The following KYNU variants were observed in gnomAD, a reference collection of about 807,000 sequenced individuals.
KYNU encodes kynureninase, also known as L-kynurenine hydrolase.
Under a neutral mutation model 59.2 loss-of-function variants are expected in KYNU, and 54 were observed. The observed-to-expected ratio is 0.91, with a 90% confidence interval of 0.73 to 1.14. The LOEUF is 1.14. KYNU is among the 50% of genes most tolerant of loss of function. The pLI is 0.00. For synonymous variants in KYNU, 177 were observed against 192.0 expected, an observed-to-expected ratio of 0.92 and a Z score of 0.65; for missense variants, 567 against 554.4, an observed-to-expected ratio of 1.02 and a Z score of -0.23.
At chr2:142,910,603 G>A (rs1273509996) in intron 2 of KYNU, among the ~76,000 whole-genome samples, 1 of 151,958 alleles carries the variant, frequency 6.6e-6, no homozygotes, top group African/African-American at 2.4e-5. Flanking sequence ...CAGTTTGGGG[G>A]GTTTTTGCAA....
At position 142,978,258 on chromosome 2, in the gene KYNU, A is replaced by G. The variant is rs352864; in HGVS notation, c.730-6826A>G. On this transcript the variant is annotated intron_variant, in intron 8 of 13. Transcript: ENST00000264170. ...CACACCCAGACACACATCTCCCTAT[A>G]CCGTTTTCTTTTTTTCGTTCATTTT... Among the ~76,000 whole-genome samples the G allele has an allele frequency of 4.7e-3, 715 of 151,538 alleles. 19 individuals are homozygous for G. The highest frequency in any genetic ancestry group is 0.035 in the East Asian group (179 of 5,170).
At chr2:142,892,492 G>C (rs781562423) in intron 2 of KYNU, among the ~76,000 whole-genome samples, 13 of 152,140 alleles carry the variant, frequency 8.5e-5, no homozygotes, top group Non-Finnish European at 1.6e-4. Flanking sequence ...GCTGGGTATT[G>C]GTAAATGGTA....
At chr2:142,953,830 A>C (rs543300639) in intron 4 of KYNU, among the ~76,000 whole-genome samples, 11 of 152,288 alleles carry the variant, frequency 7.2e-5, no homozygotes, top group African/African-American at 2.6e-4. Context: ...TTGAAATATA[A>C]ATTCTTAAAT....
chr2:143,043,707 G>T lies in KYNU; in HGVS notation c.*1535G>T, dbSNP rs1687117271. On this transcript the variant is annotated 3_prime_UTR_variant, in exon 14 of 14. Transcript: ENST00000264170. Reference sequence around the variant, plus strand: ...AAACCTTAAAACTCATGCATAAGTGGATTCATATACATATATAAAAATATA... The same window carrying T: ...AAACCTTAAAACTCATGCATAAGTGTATTCATATACATATATAAAAATATA... 6.9e-6 allele frequency: 1 copy of T among 145,650 alleles called. No homozygotes were observed. The highest frequency in any genetic ancestry group is 1.5e-5 in the Non-Finnish European group (1 of 66,764). 9.0% of individuals were successfully genotyped at this position (145,650 alleles called of 1,614,324 possible).
chr2:142,973,998 C>G (rs1443558292), intron 8 of KYNU, among the ~76,000 whole-genome samples: 3 of 152,192 alleles, frequency 2.0e-5, no homozygotes, highest in Admixed American at 2.0e-4. Context: ...TATGTATGCT[C>G]CAATTCGTTT....
chr2:143,033,284 C>G lies in KYNU; in HGVS notation c.1004C>G (p.Pro335Arg). ...TGTGGATTCCGAATTTCAAATCCTCCCATTTTGTTGGTCTGTTCCTTGCAT... is the reference window on the plus strand; with the variant it reads ...TGTGGATTCCGAATTTCAAATCCTCGCATTTTGTTGGTCTGTTCCTTGCAT... ...GVCGFRISNP[P>R]ILLVCSLHAS... The change falls in exon 12 of 14, where the codon CCC becomes CGC. Residue 335 changes from proline (P) to arginine (R), a missense_variant. Coordinates refer to ENST00000264170, the MANE Select transcript of KYNU (RefSeq NM_003937.3). 8 of 1,613,820 alleles carry G rather than the reference C, an allele frequency of 5.0e-6. No individual in the cohort carries two copies. The highest frequency in any genetic ancestry group is 6.8e-6 in the Non-Finnish European group (8 of 1,179,730).
At chr2:143,027,685 T>C (rs972605231) in intron 10 of KYNU, among the ~76,000 whole-genome samples, 3 of 152,194 alleles carry the variant, frequency 2.0e-5, no homozygotes, top group Non-Finnish European at 2.9e-5. Flanking sequence ...TAAATGTTTA[T>C]AAATCTGTTG....
intron 1 of KYNU, among the ~76,000 whole-genome samples, chr2:142,878,469 T>C (rs1437282869): frequency 6.6e-6 from 1 of 152,176 alleles, no homozygotes; most frequent in Non-Finnish European, 1.5e-5. Flanking sequence ...ATATTGTTTT[T>C]CCTTTTTTCT....
intron 2 of KYNU, among the ~76,000 whole-genome samples, chr2:142,897,573 A>C (rs1681922289): frequency 6.6e-6 from 1 of 152,248 alleles, no homozygotes; most frequent in Non-Finnish European, 1.5e-5. Context: ...AAACAAACAC[A>C]GCTGAAATCT....
intron 2 of KYNU, among the ~76,000 whole-genome samples, chr2:142,907,989 G>C (rs1227938256): frequency 6.6e-6 from 1 of 152,134 alleles, no homozygotes; most frequent in Non-Finnish European, 1.5e-5. Flanking sequence ...GTTACTTCTA[G>C]GTTTCCTCTT....
At chr2:142,936,233 C>T (rs1422247319) in intron 4 of KYNU, among the ~76,000 whole-genome samples, 1 of 152,128 alleles carries the variant, frequency 6.6e-6, no homozygotes, top group Non-Finnish European at 1.5e-5. Context: ...AGAATTTCTC[C>T]CCATTTCTCC....
intron 4 of KYNU, among the ~76,000 whole-genome samples, chr2:142,935,400 T>C (rs948142051): frequency 6.6e-6 from 1 of 152,180 alleles, no homozygotes; most frequent in Non-Finnish European, 1.5e-5. Context: ...ATCTTGATAA[T>C]ACCAGTGGGG....
rs143251397 is a variant in KYNU at position 143,054,445 on chromosome 2, C to G, written c.*12273C>G. ...AATCATTTTTCAATACTTAGGATAA[C>G]AGATTCAGGCAAAGATAAAACATTA... is the stretch of plus-strand genomic sequence containing the variant. On this transcript the variant is annotated 3_prime_UTR_variant, in exon 14 of 14. Transcript: ENST00000264170. 6.6e-6 allele frequency: 1 copy of G among 152,136 alleles called. No individual in the cohort carries two copies. The highest frequency in any genetic ancestry group is 1.9e-4 in the East Asian group (1 of 5,182). 9.4% of individuals were successfully genotyped at this position (152,136 alleles called of 1,614,324 possible). A position where few individuals can be genotyped will look rare whatever the true frequency, so the allele number is the denominator to read the frequency against.
intron 8 of KYNU, chr2:142,971,481 AG>A (rs1457269694): frequency 2.0e-5 from 3 of 152,314 alleles, no homozygotes; most frequent in Admixed American, 6.5e-5. Context: ...TTTCTGTATC[AG>A]GATATATCTG....
At chr2:142,918,124 G>GA (rs1353086598) in intron 2 of KYNU, among the ~76,000 whole-genome samples, 16 of 152,002 alleles carry the variant, frequency 1.1e-4, no homozygotes, top group Admixed American at 7.2e-4. Flanking sequence ...GATATAGAAT[G>GA]AAAAAAACCG....
At chr2:142,907,014 G>A (rs187838059) in intron 2 of KYNU, among the ~76,000 whole-genome samples, 13 of 152,280 alleles carry the variant, frequency 8.5e-5, no homozygotes, top group Middle Eastern at 3.4e-3. Flanking sequence ...TTAACCAGCC[G>A]ACAGGTGCCC....
chr2:142,893,048 A>G (rs868418429), intron 2 of KYNU, among the ~76,000 whole-genome samples: 30 of 152,236 alleles, frequency 2.0e-4, no homozygotes, highest in Admixed American at 9.8e-4. Flanking sequence ...CTAAAACACA[A>G]TTTTTGTTCT....
At chr2:142,928,378 A>T (rs1291497454) in intron 4 of KYNU, among the ~76,000 whole-genome samples, 1 of 152,252 alleles carries the variant, frequency 6.6e-6, no homozygotes. Flanking sequence ...TGAACAAAAA[A>T]ATTAATGATA....
At chr2:142,941,224 A>T (rs1683589288) in intron 4 of KYNU, among the ~76,000 whole-genome samples, 1 of 152,010 alleles carries the variant, frequency 6.6e-6, no homozygotes, top group Non-Finnish European at 1.5e-5. Context: ...ATTAGCATCA[A>T]CTCTCCTGTG....
Sources: gnomAD v4.1 joint callset for allele counts (sites outside exome capture counted in the v4.1 genomes callset) on GRCh38, gnomAD v4.1.1 for gene constraint, MANE v1.5 for transcripts, NCBI Gene and HGNC (gene_info 2026-07-23, HGNC 2026-07-21) for gene names.